Variants in TRMT11 observed in about 807,000 individuals in gnomAD.
TRMT11 encodes tRNA (guanine(10)-N(2))-methyltransferase TRMT11.
In TRMT11, 53 loss-of-function variants were observed where a neutral mutation model predicts 62.8. The ratio of observed to expected loss-of-function variants is 0.84; its 90% confidence interval spans 0.68 to 1.06. The LOEUF (loss-of-function observed/expected upper bound fraction) is 1.06, where lower values mean the gene tolerates loss of function less well. TRMT11 is among the 50% of genes least tolerant of loss of function. TRMT11 has a pLI of 0.00. For missense variants in TRMT11, 556 were observed against 553.4 expected, an observed-to-expected ratio of 1.00 and a Z score of -0.05; for synonymous variants, 188 against 190.3, an observed-to-expected ratio of 0.99 and a Z score of 0.10.
At chr6:126,214,516 T>G in the TRMT11 span, among the ~76,000 whole-genome samples, 1 of 152,018 alleles carries the variant, frequency 6.6e-6, no homozygotes, top group Non-Finnish European at 1.5e-5. Context: ...TCCAATTTAT[T>G]GGCACGTAGT....
chr6:126,013,075 C>A lies in TRMT11; in HGVS notation c.1113C>A (p.Val371=), dbSNP rs1442090581. 1 of 1,613,596 alleles carries A rather than the reference C, an allele frequency of 6.2e-7. No homozygotes were observed. The highest frequency in any genetic ancestry group is 1.7e-5 in the Admixed American group (1 of 59,924). Residue 371 remains valine (V), a synonymous_variant, in exon 11 of 13, where the codon GTC becomes GTA. Transcript: ENST00000334379. ...AETLVLGGRL[V]YWLPVYTPEY... Reference sequence around the variant, plus strand: ...CCCTCGTTTTAGGTGGAAGACTAGTCTATTGGTTACCGGTGTATACGCCAG... The same window carrying A: ...CCCTCGTTTTAGGTGGAAGACTAGTATATTGGTTACCGGTGTATACGCCAG...
the TRMT11 span, among the ~76,000 whole-genome samples, chr6:126,222,043 T>G: frequency 4.1e-4 from 63 of 152,296 alleles, no homozygotes; most frequent in African/African-American, 1.4e-3. Flanking sequence ...AGCCAGTTAT[T>G]CTAGCACCAT....
At chr6:126,100,971 A>T (rs1562322992) in intron 17 of TRMT11, among the ~76,000 whole-genome samples, 1 of 152,116 alleles carries the variant, frequency 6.6e-6, no homozygotes, top group Non-Finnish European at 1.5e-5. Context: ...TGCACGGTTC[A>T]CAGTGGGGTT....
the TRMT11 span, among the ~76,000 whole-genome samples, chr6:126,221,328 A>C: frequency 6.6e-6 from 1 of 152,164 alleles, no homozygotes; most frequent in South Asian, 2.1e-4. Flanking sequence ...TTCTTTGTGA[A>C]ATCTCCAGAC....
the TRMT11 span, among the ~76,000 whole-genome samples, chr6:126,241,784 G>C: frequency 6.6e-6 from 1 of 152,248 alleles, no homozygotes; most frequent in African/African-American, 2.4e-5. Context: ...AGGTATTGTT[G>C]GGACATATCT....
intron 21 of TRMT11, among the ~76,000 whole-genome samples, chr6:126,151,812 T>TTC (rs1298133891): frequency 1.0e-5 from 1 of 98,408 alleles, no homozygotes; most frequent in African/African-American, 4.0e-5. Context: ...TGTCTTTTCT[T>TTC]TCTTTCTTTC....
rs568019848 is a variant in TRMT11, at chr6:126,039,180, AGTT to A, written c.*345_*347del. The stretch of plus-strand genomic sequence containing the variant: ...GGATATATTATATGCAATTAATAGT[AGTT>A]AAGAATTTATTCATTTGGTAGATAT... On this transcript the variant is annotated 3_prime_UTR_variant, in exon 13 of 13. Transcript: ENST00000334379. 162 of 158,886 alleles carry A rather than the reference AGTT, an allele frequency of 1.0e-3. 2 individuals are homozygous for A. Among genetic ancestry groups the A allele is most frequent in the Non-Finnish European group, 1.8e-3 (134 of 72,762 alleles). 9.8% of individuals were successfully genotyped at this position (158,886 alleles called of 1,614,324 possible).
intron 11 of TRMT11, among the ~76,000 whole-genome samples, chr6:126,015,267 C>T (rs1054892411): frequency 1.3e-5 from 2 of 152,018 alleles, no homozygotes; most frequent in East Asian, 3.9e-4. Flanking sequence ...ACTCTGTCAC[C>T]CAGGCTGGAG....
At chr6:126,185,042 A>G (rs1778512003) in intron 1 of TRMT11, among the ~76,000 whole-genome samples, 1 of 152,120 alleles carries the variant, frequency 6.6e-6, no homozygotes. Flanking sequence ...TGGTCCACTC[A>G]AGTTTGAGGA....
chr6:126,247,012 A>G, the TRMT11 span, among the ~76,000 whole-genome samples: 1 of 152,166 alleles, frequency 6.6e-6, no homozygotes. Flanking sequence ...GTGCTTCCGA[A>G]GTTCTGCCAA....
intron 17 of TRMT11, among the ~76,000 whole-genome samples, chr6:126,094,330 A>C (rs1041766498): frequency 5.3e-5 from 8 of 152,222 alleles, no homozygotes; most frequent in African/African-American, 1.9e-4. Flanking sequence ...AGGATGGAAA[A>C]GTGTGTTCTT....
At chr6:126,149,341 G>C (rs2186060) in intron 21 of TRMT11, among the ~76,000 whole-genome samples, 32,650 of 152,122 alleles carry the variant, frequency 0.21, 3,663 homozygotes, top group Middle Eastern at 0.34. Flanking sequence ...CATTTTCTAA[G>C]AGAATCATTT....
chr6:126,028,069 T>A (rs1773522106), intron 12 of TRMT11, among the ~76,000 whole-genome samples: 1 of 152,176 alleles, frequency 6.6e-6, no homozygotes, highest in Admixed American at 6.5e-5. Context: ...ACATTATCCT[T>A]TCTCAGGATT....
intron 21 of TRMT11, among the ~76,000 whole-genome samples, chr6:126,129,535 G>A (rs1374910259): frequency 6.6e-6 from 1 of 151,694 alleles, no homozygotes; most frequent in Non-Finnish European, 1.5e-5. Context: ...TTAATTTTTA[G>A]TTTTTGATGC....
rs528076538 is a variant in TRMT11, at chr6:126,031,193, G to A, written c.1261-7512G>A. ...TACTAAATGTAAGAATTGAGGACAG[G>A]TGAACTTTTAGAAAAGGTACTATGA... On this transcript the variant is annotated intron_variant, in intron 12 of 12. Coordinates refer to ENST00000334379, the MANE Select transcript of TRMT11 (RefSeq NM_001031712.3). Among the ~76,000 whole-genome samples the A allele has an allele frequency of 3.9e-5, 6 of 152,240 alleles. No homozygotes were observed. In the South Asian group the frequency reaches 1.2e-3, roughly 32 times the overall value.
chr6:125,991,670 A>T (rs932311304), intron 1 of TRMT11, among the ~76,000 whole-genome samples: 1 of 152,176 alleles, frequency 6.6e-6, no homozygotes, highest in African/African-American at 2.4e-5. Flanking sequence ...AGGACAGTCT[A>T]TCCTTTTGGG....
chr6:126,114,021 T>C (rs1777561486), intron 18 of TRMT11, among the ~76,000 whole-genome samples: 2 of 152,006 alleles, frequency 1.3e-5, no homozygotes, highest in South Asian at 2.1e-4. Context: ...ATGAAATCAA[T>C]ATAGTGAGTT....
chr6:126,154,343 G>T (rs866239167), intron 21 of TRMT11, among the ~76,000 whole-genome samples: 1 of 136,796 alleles, frequency 7.3e-6, no homozygotes, highest in Non-Finnish European at 1.5e-5. Context: ...GTGTGTATGT[G>T]TGTGTGTGTG....
intron 17 of TRMT11, among the ~76,000 whole-genome samples, chr6:126,053,404 A>G (rs928481663): frequency 1.3e-5 from 2 of 152,224 alleles, no homozygotes; most frequent in African/African-American, 4.8e-5. Flanking sequence ...TGTCTTTTAT[A>G]GAAACTAAAC....
Sources: gnomAD v4.1 joint callset for allele counts (sites outside exome capture counted in the v4.1 genomes callset) on GRCh38, gnomAD v4.1.1 for gene constraint, MANE v1.5 for transcripts, NCBI Gene and HGNC (gene_info 2026-07-23, HGNC 2026-07-21) for gene names.